Variants in DLG1 observed in about 807,000 individuals in gnomAD.
The protein encoded by DLG1 is discs large MAGUK scaffold protein 1.
Under a neutral mutation model 123.4 loss-of-function variants are expected in DLG1, and 42 were observed. That is an observed-to-expected ratio of 0.34 (90% CI 0.27 to 0.44). The LOEUF is 0.44. DLG1 is among the 20% of genes least tolerant of loss of function. DLG1 has a pLI of 1.00. For missense variants in DLG1, 942 were observed against 1,082.6 expected, an observed-to-expected ratio of 0.87 and a Z score of 1.82; for synonymous variants, 317 against 356.2, an observed-to-expected ratio of 0.89 and a Z score of 1.24.
At chr3:197,230,892 T>C (rs982424712) in intron 4 of DLG1, among the ~76,000 whole-genome samples, 2 of 151,768 alleles carry the variant, frequency 1.3e-5, no homozygotes, top group African/African-American at 2.4e-5. Context: ...TAGTAGTATC[T>C]GCTAAGAAAT....
intron 4 of DLG1, among the ~76,000 whole-genome samples, chr3:197,252,381 A>G (rs1754864889): frequency 6.6e-6 from 1 of 152,216 alleles, no homozygotes; most frequent in Non-Finnish European, 1.5e-5. Context: ...GTATAGACAT[A>G]TAATAGAATA....
chr3:197,066,998 A>G (rs1219810971), intron 19 of DLG1, among the ~76,000 whole-genome samples: 2 of 152,140 alleles, frequency 1.3e-5, no homozygotes, highest in East Asian at 3.8e-4. Flanking sequence ...TTTTATAGAT[A>G]ATCAAATCTA....
At chr3:197,208,331 T>C (rs893509566) in intron 4 of DLG1, among the ~76,000 whole-genome samples, 4 of 146,618 alleles carry the variant, frequency 2.7e-5, no homozygotes, top group Non-Finnish European at 6.1e-5. Flanking sequence ...ACTACCTCTA[T>C]AAAAGGACAA....
intron 5 of DLG1, among the ~76,000 whole-genome samples, chr3:197,175,680 C>A (rs1227593246): frequency 3.3e-5 from 5 of 152,102 alleles, no homozygotes; most frequent in African/African-American, 1.2e-4. Flanking sequence ...ATTCTCCATG[C>A]GAGGCTCTGG....
At chr3:197,066,845 T>C (rs752038373) in intron 19 of DLG1, 91 bp from the exon 20 acceptor site, 52 of 795,128 alleles carry the variant, frequency 6.5e-5, no homozygotes, top group Non-Finnish European at 1.0e-4. Context: ...TTACTAGAAC[T>C]TTCCTGAGAA....
At chr3:197,141,280 T>C (rs956720651) in intron 7 of DLG1, among the ~76,000 whole-genome samples, 1 of 152,170 alleles carries the variant, frequency 6.6e-6, no homozygotes, top group African/African-American at 2.4e-5. Context: ...CCAAATTACT[T>C]AGGTACTCAA....
At chr3:197,116,218 T>A in intron 12 of DLG1, 135 bp from the exon 13 acceptor site, 1 of 672,426 alleles carries the variant, frequency 1.5e-6, no homozygotes, top group Non-Finnish European at 2.3e-6. Context: ...ATGGTTTTTC[T>A]AAAACTACGA....
intron 3 of DLG1, among the ~76,000 whole-genome samples, chr3:197,291,593 T>C (rs452743): frequency 6.6e-6 from 1 of 152,186 alleles, no homozygotes; most frequent in Admixed American, 6.5e-5. Context: ...TGTCATTTAG[T>C]ATTCTTTATC....
At chr3:197,136,223 AAAAT>A (rs1784997241) in intron 10 of DLG1, 1 of 194,612 alleles carries the variant, frequency 5.1e-6, no homozygotes, top group Non-Finnish European at 1.0e-5. Context: ...TAAGTGAAGT[AAAAT>A]AAAAAAGGGT....
chr3:197,249,882 G>A (rs2340434), intron 4 of DLG1, among the ~76,000 whole-genome samples: 46,816 of 151,882 alleles, frequency 0.31, 7,900 homozygotes, highest in African/African-American at 0.43. Flanking sequence ...GATAAAAACC[G>A]GTAACAAACT....
At chr3:197,110,822 A>G (rs1579410755) in intron 13 of DLG1, among the ~76,000 whole-genome samples, 2 of 152,344 alleles carry the variant, frequency 1.3e-5, no homozygotes, top group Middle Eastern at 3.4e-3. Context: ...TCCAAGGGCT[A>G]TATGTGCATT....
At chr3:197,206,843 T>C (rs75015662) in intron 4 of DLG1, among the ~76,000 whole-genome samples, 1 of 118,082 alleles carries the variant, frequency 8.5e-6, no homozygotes, top group African/African-American at 3.2e-5. Flanking sequence ...AATAAATAAA[T>C]AAAAATAAAG....
At chr3:197,065,168 C>A in intron 22 of DLG1, 108 bp downstream of exon 22, 1 of 1,044,964 alleles carries the variant, frequency 9.6e-7, no homozygotes. Context: ...TAAGCAAATT[C>A]ATCACATTAA....
At chr3:197,097,728 G>A (rs1291312805) in intron 14 of DLG1, among the ~76,000 whole-genome samples, 2 of 151,592 alleles carry the variant, frequency 1.3e-5, no homozygotes, top group African/African-American at 2.4e-5. Context: ...TTACAGGCGT[G>A]CACCACCACG....
chr3:197,051,672 C>A lies in DLG1; in HGVS notation c.2484-4G>T, dbSNP rs200632132. The A allele has an allele frequency of 1.1e-5, 17 of 1,605,702 alleles. No individual in the cohort carries two copies. The South Asian group carries it at 1.4e-4, about 14-fold the overall frequency. ...TGTTAGACGCTTATTCATTTCCCTA[C>A]GAAAATAAATGTAGAAATTGATAAT... On this transcript the variant is annotated splice_region_variant and splice_polypyrimidine_tract_variant and intron_variant, in intron 23 of 24. Transcript: ENST00000667157.
chr3:197,253,549 C>T (rs988705463), intron 4 of DLG1, among the ~76,000 whole-genome samples: 11 of 152,124 alleles, frequency 7.2e-5, no homozygotes, highest in Admixed American at 5.9e-4. Flanking sequence ...TTTCACTCCC[C>T]GGCAATCTCT....
At chr3:197,191,594 T>C (rs980070966) in intron 5 of DLG1, among the ~76,000 whole-genome samples, 3 of 152,136 alleles carry the variant, frequency 2.0e-5, no homozygotes, top group Admixed American at 2.0e-4. Flanking sequence ...AAAAAAATTA[T>C]ACATATCCTG....
intron 23 of DLG1, among the ~76,000 whole-genome samples, chr3:197,053,740 C>T (rs2148738779): frequency 6.7e-6 from 1 of 149,090 alleles, no homozygotes; most frequent in South Asian, 2.1e-4. Context: ...AGCCACTGCA[C>T]TCCAGCCTGG....
At chr3:197,065,674 G>T in intron 21 of DLG1, 34 bp downstream of exon 21, 1 of 1,416,846 alleles carries the variant, frequency 7.1e-7, no homozygotes, top group African/African-American at 1.4e-5. Flanking sequence ...AATGTTAAGA[G>T]TAACAATTAA....
Sources: allele counts gnomAD v4.1 joint callset (sites outside exome capture counted in the v4.1 genomes callset), GRCh38; gene constraint gnomAD v4.1.1; transcripts MANE v1.5; gene names NCBI Gene and HGNC (gene_info 2026-07-23, HGNC 2026-07-21).